The following DNAJC3 variants were observed in gnomAD, a reference collection of about 807,000 sequenced individuals.
The protein encoded by DNAJC3 is dnaJ homolog subfamily C member 3.
In DNAJC3, 38 loss-of-function variants were observed where a neutral mutation model predicts 68.6. The ratio of observed to expected loss-of-function variants is 0.55; its 90% CI spans 0.43 to 0.73. The LOEUF (loss-of-function observed/expected upper bound fraction) is 0.73, where lower values mean the gene tolerates loss of function less well. DNAJC3 is among the 30% of genes least tolerant of loss of function. The pLI is 0.00. For synonymous variants in DNAJC3, 203 were observed against 204.0 expected (o/e 1.00, Z 0.04); for missense variants, 526 against 591.9 (o/e 0.89, Z 1.16).
rs1167049182 is a variant in DNAJC3, at chr13:95,792,894, T to C, written c.*1864T>C. On this transcript the variant is annotated 3_prime_UTR_variant, in exon 12 of 12. Transcript: ENST00000602402. ...ATATAGTGATGGCTTTTACCTACTT[T>C]GAAAAGAATTTTCACATAGAGTCAG... 2.6e-5 allele frequency: 4 copies of C among 152,198 alleles called. No individual in the cohort carries two copies. The highest frequency in any genetic ancestry group is 5.9e-5 in the Non-Finnish European group (4 of 68,028). The allele number at this position is 152,198 out of a possible 1,614,324, so 9.4% of individuals were successfully genotyped here. A position where few individuals can be genotyped will look rare whatever the true frequency, so the allele number is the denominator to read the frequency against.
chr13:95,702,883 C>T (rs543097551), intron 1 of DNAJC3, among the ~76,000 whole-genome samples: 1 of 152,314 alleles, frequency 6.6e-6, no homozygotes, highest in African/African-American at 2.4e-5. Flanking sequence ...GTATCCATCA[C>T]TGGCTACATA....
At chr13:95,767,864 C>CTT (rs986115021) in intron 9 of DNAJC3, among the ~76,000 whole-genome samples, 2 of 142,642 alleles carry the variant, frequency 1.4e-5, no homozygotes, top group Admixed American at 7.0e-5. Flanking sequence ...TTTTTTTTTT[C>CTT]TTTTTTTTTT....
At chr13:95,702,338 G>A (rs1880607089) in intron 1 of DNAJC3, among the ~76,000 whole-genome samples, 1 of 152,166 alleles carries the variant, frequency 6.6e-6, no homozygotes, top group South Asian at 2.1e-4. Flanking sequence ...TTAGCATCAT[G>A]CTCACCATAA....
At chr13:95,779,119 C>CTTTTTTTTTTTT (rs142933580) in intron 9 of DNAJC3, among the ~76,000 whole-genome samples, 2 of 97,974 alleles carry the variant, frequency 2.0e-5, no homozygotes, top group Non-Finnish European at 3.8e-5. Context: ...TTTCTTCTTT[C>CTTTTTTTTTTTT]TTTTTTTTTT....
chr13:95,718,590 G>A (rs949933445), intron 2 of DNAJC3, among the ~76,000 whole-genome samples: 5 of 152,076 alleles, frequency 3.3e-5, no homozygotes, highest in Non-Finnish European at 5.9e-5. Context: ...TAGTAGAGAC[G>A]GTGTTTCACC....
intron 4 of DNAJC3, among the ~76,000 whole-genome samples, chr13:95,733,839 G>C (rs138671764): frequency 2.0e-5 from 3 of 150,464 alleles, no homozygotes; most frequent in African/African-American, 7.4e-5. Context: ...TTTAGTCTTC[G>C]TGTGTCTTTA....
intron 5 of DNAJC3, 89 bp downstream of exon 5, chr13:95,757,885 C>T: frequency 7.4e-7 from 1 of 1,342,440 alleles, no homozygotes; most frequent in Non-Finnish European, 9.9e-7. Flanking sequence ...CCACAAAGAC[C>T]TAGACAGGAG....
At chr13:95,681,611 C>T (rs1475600875) in intron 1 of DNAJC3, among the ~76,000 whole-genome samples, 1 of 152,200 alleles carries the variant, frequency 6.6e-6, no homozygotes, top group Admixed American at 6.5e-5. Flanking sequence ...CCCTTGGCCT[C>T]CCAAAGTGTT....
intron 4 of DNAJC3, among the ~76,000 whole-genome samples, chr13:95,752,970 C>T (rs537268113): frequency 1.3e-5 from 2 of 152,340 alleles, no homozygotes; most frequent in South Asian, 2.1e-4. Context: ...TTCATGTGAA[C>T]AGATAGTGTG....
At chr13:95,764,071 T>C in intron 9 of DNAJC3, 118 bp downstream of exon 9, 2 of 1,457,492 alleles carry the variant, frequency 1.4e-6, no homozygotes, top group East Asian at 2.3e-5. Context: ...TTGACAATTT[T>C]AGAAAAATGG....
intron 1 of DNAJC3, among the ~76,000 whole-genome samples, chr13:95,696,072 G>A (rs887948536): frequency 6.6e-6 from 1 of 152,148 alleles, no homozygotes; most frequent in Non-Finnish European, 1.5e-5. Context: ...ATATAAGCAT[G>A]TACTAACAAT....
intron 4 of DNAJC3, among the ~76,000 whole-genome samples, chr13:95,730,714 C>G (rs1389493683): frequency 6.6e-6 from 1 of 152,122 alleles, no homozygotes; most frequent in East Asian, 1.9e-4. Flanking sequence ...GTCACTATAG[C>G]CTTGTAATAT....
chr13:95,719,811 T>C (rs1881261332), intron 2 of DNAJC3, among the ~76,000 whole-genome samples: 1 of 152,226 alleles, frequency 6.6e-6, no homozygotes, highest in Non-Finnish European at 1.5e-5. Context: ...TTGTGTATGA[T>C]GGGATCCTTA....
intron 9 of DNAJC3, 147 bp downstream of exon 9, chr13:95,764,100 C>G: frequency 1.6e-6 from 2 of 1,271,600 alleles, no homozygotes; most frequent in Non-Finnish European, 1.1e-6. Context: ...TTGAAAATTA[C>G]TCTTCCATAG....
chr13:95,761,499 C>T (rs1016479789), intron 7 of DNAJC3, among the ~76,000 whole-genome samples: 6 of 152,150 alleles, frequency 3.9e-5, no homozygotes, highest in Admixed American at 6.5e-5. Context: ...ATGCTTCACT[C>T]GGTTTCCCCC....
chr13:95,689,082 G>T (rs1365105582), intron 1 of DNAJC3, among the ~76,000 whole-genome samples: 1 of 150,734 alleles, frequency 6.6e-6, no homozygotes, highest in Admixed American at 6.6e-5. Flanking sequence ...TTTGGTATCA[G>T]GTTGATACTG....
At chr13:95,738,790 G>A (rs1306776799) in intron 4 of DNAJC3, among the ~76,000 whole-genome samples, 1 of 152,070 alleles carries the variant, frequency 6.6e-6, no homozygotes, top group African/African-American at 2.4e-5. Context: ...TTGCCAGTCT[G>A]TGTCTTTTAA....
intron 4 of DNAJC3, among the ~76,000 whole-genome samples, chr13:95,751,309 G>A (rs1882474486): frequency 6.6e-6 from 1 of 152,198 alleles, no homozygotes; most frequent in African/African-American, 2.4e-5. Context: ...TCCTAAACAT[G>A]TATGTGCAAG....
intron 4 of DNAJC3, among the ~76,000 whole-genome samples, chr13:95,737,378 A>T (rs1409258764): frequency 6.6e-6 from 1 of 152,030 alleles, no homozygotes; most frequent in Non-Finnish European, 1.5e-5. Context: ...ATTGATTGGA[A>T]TAGTTTCAGA....
Sources: allele counts gnomAD v4.1 joint callset (sites outside exome capture counted in the v4.1 genomes callset), GRCh38; gene constraint gnomAD v4.1.1; transcripts MANE v1.5; gene names NCBI Gene and HGNC (gene_info 2026-07-23, HGNC 2026-07-21).